The following DDX10 variants were observed in gnomAD, a reference collection of about 807,000 sequenced individuals.
DDX10 encodes the protein DEAD-box helicase 10.
Under a neutral mutation model 104.3 loss-of-function variants are expected in DDX10, and 74 were observed. The observed-to-expected ratio is 0.71, with a 90% CI of 0.59 to 0.86. DDX10 has a LOEUF of 0.86. DDX10 is among the 40% of genes least tolerant of loss of function. The pLI is 0.00. For missense variants in DDX10, 952 were observed against 1,040.0 expected, an observed-to-expected ratio of 0.92 and a Z score of 1.16; for synonymous variants, 351 against 353.4, an observed-to-expected ratio of 0.99 and a Z score of 0.08.
intron 13 of DDX10, among the ~76,000 whole-genome samples, chr11:108,821,917 A>G (rs1473677773): frequency 2.0e-5 from 3 of 152,250 alleles, no homozygotes; most frequent in Non-Finnish European, 4.4e-5. Flanking sequence ...GAGGCAAGTG[A>G]ACATGAAACA....
At chr11:108,688,021 C>T (rs1445073486) in intron 6 of DDX10, among the ~76,000 whole-genome samples, 1 of 152,178 alleles carries the variant, frequency 6.6e-6, no homozygotes, top group Non-Finnish European at 1.5e-5. Context: ...TCCTAGACAT[C>T]ACTCCTCAGC....
chr11:108,717,777 G>A (rs879134450), intron 11 of DDX10, among the ~76,000 whole-genome samples: 4 of 152,178 alleles, frequency 2.6e-5, no homozygotes, highest in Admixed American at 6.5e-5. Context: ...TTTTACATGC[G>A]TTGTTACCTA....
At position 108,673,640 on chromosome 11, in the gene DDX10, T is replaced by A. The variant is rs2094220034; in HGVS notation, c.247+113T>A. Reference sequence around the variant, plus strand: ...AATCTTATTTTGGCAAATTTTGATATCATGAAAACCAATGAAAATAAGCAA... The same window carrying A: ...AATCTTATTTTGGCAAATTTTGATAACATGAAAACCAATGAAAATAAGCAA... On this transcript the variant is annotated intron_variant, in intron 2 of 17. Coordinates refer to ENST00000322536, the MANE Select transcript of DDX10 (RefSeq NM_004398.4). The A allele has an allele frequency of 7.1e-6, 5 of 705,486 alleles. No homozygotes were observed. In the South Asian group the frequency reaches 9.0e-5, roughly 13 times the overall value. 43.7% of individuals were successfully genotyped at this position (705,486 alleles called of 1,614,324 possible).
chr11:108,773,374 T>A (rs900728949), intron 13 of DDX10, among the ~76,000 whole-genome samples: 1 of 152,242 alleles, frequency 6.6e-6, no homozygotes, highest in Non-Finnish European at 1.5e-5. Context: ...CTGCACTTAC[T>A]GTTGATGTCT....
intron 16 of DDX10, among the ~76,000 whole-genome samples, chr11:108,852,418 C>T (rs1161560737): frequency 6.6e-6 from 1 of 152,144 alleles, no homozygotes; most frequent in East Asian, 1.9e-4. Flanking sequence ...TCTTGTATTC[C>T]TCTGGTGCAG....
chr11:108,879,989 C>T (rs976284559), intron 16 of DDX10, among the ~76,000 whole-genome samples: 1 of 152,160 alleles, frequency 6.6e-6, no homozygotes, highest in African/African-American at 2.4e-5. Context: ...ACTTTTGGAT[C>T]CTTGAAGACT....
At chr11:108,866,972 G>T (rs116710311) in intron 16 of DDX10, among the ~76,000 whole-genome samples, 1 of 152,152 alleles carries the variant, frequency 6.6e-6, no homozygotes, top group Non-Finnish European at 1.5e-5. Context: ...ATTCACAAAA[G>T]AAAGCATCCC....
chr11:108,838,079 G>T lies in DDX10; in HGVS notation c.1966-367G>T, dbSNP rs535018813. On this transcript the variant is annotated intron_variant, in intron 13 of 17. Transcript: ENST00000322536. ...ACTCTAAAAACTTAAGTTTGCAACT[G>T]CACATTTTAAGATATGTATGAAATT... Among the ~76,000 whole-genome samples the T allele has an allele frequency of 2.0e-5, 3 of 150,794 alleles. No individual in the cohort carries two copies. The East Asian group carries it at 5.8e-4, about 29-fold the overall frequency.
At position 108,704,908 on chromosome 11, in the gene DDX10, C is replaced by T. The variant is rs536963084; in HGVS notation, c.1224-1831C>T. ...CCTTATCCCATGGAAAACTCGACTA[C>T]CCCATCTATATCCCTTCCCCTAATG... On this transcript the variant is annotated intron_variant, in intron 9 of 17. Transcript: ENST00000322536. 9.4e-4 allele frequency among the ~76,000 whole-genome samples: 143 copies of T among 152,324 alleles called. No homozygotes were observed. The South Asian group carries it at 0.01, about 11-fold the overall frequency.
chr11:108,665,103 T>TTAGGTGTC lies in DDX10; in HGVS notation c.-49_-42dup, dbSNP rs1488517337. 6.4e-7 allele frequency: 1 copy of TTAGGTGTC among 1,550,924 alleles called. No homozygotes were observed. The highest frequency in any genetic ancestry group is 2.3e-5 in the East Asian group (1 of 42,804). Reference sequence around the variant, plus strand: ...CCATGCTGGTTCCGTGAGTCTGGCCTTAGGTGTCTCGTGTCTGGGGTTGAT... The same window carrying TTAGGTGTC: ...CCATGCTGGTTCCGTGAGTCTGGCCTTAGGTGTCTAGGTGTCTCGTGTCTGGGGTTGAT... On this transcript the variant is annotated 5_prime_UTR_variant, in exon 1 of 18. Transcript: ENST00000322536.
rs143403581 is a variant in DDX10 at position 108,712,798 on chromosome 11, CACTT to C, written c.1323-3078_1323-3075del. ...CTTTGTTATGAAGATCTGAGTTTCTCACTTACGTTTTTTTTTTTCTCTCTAAAGA... is the reference window on the plus strand; with the variant it reads ...CTTTGTTATGAAGATCTGAGTTTCTCACGTTTTTTTTTTTCTCTCTAAAGA... On this transcript the variant is annotated intron_variant, in intron 10 of 17. Coordinates refer to ENST00000322536, the MANE Select transcript of DDX10 (RefSeq NM_004398.4). Among the ~76,000 whole-genome samples the C allele has an allele frequency of 3.1e-3, 468 of 151,736 alleles. 4 individuals are homozygous for C. The highest frequency in any genetic ancestry group is 0.011 in the African/African-American group (455 of 41,276).
At chr11:108,731,541 C>A (rs190269101) in intron 13 of DDX10, among the ~76,000 whole-genome samples, 15 of 145,218 alleles carry the variant, frequency 1.0e-4, no homozygotes, top group Non-Finnish European at 1.9e-4. Context: ...GAGACAGAGT[C>A]TCTCTCTGTC....
chr11:108,687,410 A>G (rs1166670267), intron 6 of DDX10, among the ~76,000 whole-genome samples: 1 of 151,912 alleles, frequency 6.6e-6, no homozygotes, highest in Non-Finnish European at 1.5e-5. Flanking sequence ...CCTAGCCTGA[A>G]TTGATGCTCC....
rs1330831945 is a variant in DDX10 at position 108,689,068 on chromosome 11, G to A, written c.975+6G>A. 3 of 1,612,982 alleles carry A rather than the reference G, an allele frequency of 1.9e-6. No homozygotes were observed. The highest frequency in any genetic ancestry group is 2.5e-6 in the Non-Finnish European group (3 of 1,179,628). On this transcript the variant is annotated splice_donor_region_variant and intron_variant, in intron 7 of 17. Coordinates refer to ENST00000322536, the MANE Select transcript of DDX10 (RefSeq NM_004398.4). ...TTTTTTCCAGTTGCAAAGAGGTATT[G>A]GCTGTTTATTTTGCTTTCTGAACGT...
chr11:108,815,307 A>T (rs1476960121), intron 13 of DDX10, among the ~76,000 whole-genome samples: 1 of 151,800 alleles, frequency 6.6e-6, no homozygotes, highest in Non-Finnish European at 1.5e-5. Context: ...TTTTTTTTTA[A>T]ATTATCAATA....
chr11:108,869,892 C>T (rs1445470676), intron 16 of DDX10, among the ~76,000 whole-genome samples: 1 of 152,088 alleles, frequency 6.6e-6, no homozygotes, highest in Non-Finnish European at 1.5e-5. Flanking sequence ...AGATAGCCTT[C>T]ACTTCTTTCA....
chr11:108,789,484 G>T (rs931143865), intron 13 of DDX10, among the ~76,000 whole-genome samples: 3 of 152,174 alleles, frequency 2.0e-5, no homozygotes, highest in African/African-American at 7.2e-5. Flanking sequence ...AGGCAATTGA[G>T]TAGGTACCTG....
chr11:108,888,167 A>T (rs759824920), intron 16 of DDX10, among the ~76,000 whole-genome samples: 2 of 152,188 alleles, frequency 1.3e-5, no homozygotes, highest in Non-Finnish European at 2.9e-5. Context: ...GAAAATAAAG[A>T]TATCAAACCA....
intron 13 of DDX10, among the ~76,000 whole-genome samples, chr11:108,795,107 G>A (rs1290593211): frequency 6.6e-6 from 1 of 152,028 alleles, no homozygotes; most frequent in Non-Finnish European, 1.5e-5. Flanking sequence ...GGATTTACAG[G>A]TGTGAGCCAC....
Sources: gnomAD v4.1 joint callset for allele counts (sites outside exome capture counted in the v4.1 genomes callset) on GRCh38, gnomAD v4.1.1 for gene constraint, MANE v1.5 for transcripts, NCBI Gene and HGNC (gene_info 2026-07-23, HGNC 2026-07-21) for gene names.